ZBTB20: variants seen among roughly 807,000 people sequenced by gnomAD.
The protein encoded by ZBTB20 is zinc finger and BTB domain containing 20.
Under a neutral mutation model 56.9 loss-of-function variants are expected in ZBTB20, and 9 were observed. That is an observed-to-expected ratio of 0.16 (90% CI 0.10 to 0.28). ZBTB20 has a LOEUF of 0.28. Ranked by LOEUF, ZBTB20 falls within the 10% of genes least tolerant of loss-of-function variation. The probability of loss-of-function intolerance (pLI) is 1.00; values close to 1 mark genes in which losing one functional copy is unlikely to be tolerated. For synonymous variants in ZBTB20, 417 were observed against 420.7 expected, an observed-to-expected ratio of 0.99 and a Z score of 0.11; for missense variants, 655 against 1,003.0, an observed-to-expected ratio of 0.65 and a Z score of 4.69.
chr3:114,838,593 AC>A (rs2074232455), intron 4 of ZBTB20, among the ~76,000 whole-genome samples: 1 of 152,192 alleles, frequency 6.6e-6, no homozygotes, highest in Non-Finnish European at 1.5e-5. Context: ...AGGGCACTGA[AC>A]CCTGATCTAA....
chr3:114,582,141 C>T (rs1345061586), intron 6 of ZBTB20: 3 of 152,114 alleles, frequency 2.0e-5, no homozygotes, highest in Non-Finnish European at 2.9e-5. Context: ...GAAAATTTCA[C>T]CTTCAAGGGG....
intron 6 of ZBTB20, among the ~76,000 whole-genome samples, chr3:114,550,525 T>C (rs1338877717): frequency 1.3e-5 from 2 of 152,242 alleles, no homozygotes; most frequent in Non-Finnish European, 2.9e-5. Context: ...TCTTCACTTA[T>C]GAAGGAAGCC....
At chr3:115,131,816 G>C (rs1423116691) in intron 1 of ZBTB20, among the ~76,000 whole-genome samples, 1 of 152,110 alleles carries the variant, frequency 6.6e-6, no homozygotes, top group Non-Finnish European at 1.5e-5. Flanking sequence ...GAGATCATCA[G>C]TTATGCCAGT....
chr3:114,729,644 G>A (rs1448070341), intron 5 of ZBTB20, among the ~76,000 whole-genome samples: 3 of 152,246 alleles, frequency 2.0e-5, no homozygotes, highest in Admixed American at 6.5e-5. Flanking sequence ...GGTCTAGTAC[G>A]TAAGTAAATA....
At chr3:115,102,151 T>C (rs2083603565) in intron 1 of ZBTB20, among the ~76,000 whole-genome samples, 1 of 152,216 alleles carries the variant, frequency 6.6e-6, no homozygotes, top group Non-Finnish European at 1.5e-5. Context: ...CAGACCACTC[T>C]AGTCTCATCG....
Position 114,353,504 on chromosome 3 carries a change from A to C in ZBTB20, c.200-1626T>G, listed in dbSNP as rs530012997. Among the ~76,000 whole-genome samples, 6 of 152,340 alleles carry C rather than the reference A, an allele frequency of 3.9e-5. No homozygotes were observed. In the East Asian group the frequency reaches 1.2e-3, roughly 29 times the overall value. On this transcript the variant is annotated intron_variant, in intron 10 of 11. Coordinates refer to ENST00000675478, the MANE Select transcript of ZBTB20 (RefSeq NM_001348800.3). Reference sequence around the variant, plus strand: ...CTCTATCAGGTCTGTTATGTGCCTAAAATATTGTATTAGGCTACAGATTCC... The same window carrying C: ...CTCTATCAGGTCTGTTATGTGCCTACAATATTGTATTAGGCTACAGATTCC...
At position 114,330,889 on chromosome 3, in the gene ZBTB20, T is replaced by TCAA. The variant is rs2079225150; in HGVS notation, c.*8113_*8115dup. On this transcript the variant is annotated 3_prime_UTR_variant, in exon 12 of 12. Coordinates refer to ENST00000675478, the MANE Select transcript of ZBTB20 (RefSeq NM_001348800.3). ...TATTATACTAGAGTGGCATTCTACT[T>TCAA]CAATGCTTGAGATGGGCAAGAGCAA... is the stretch of plus-strand genomic sequence containing the variant. 6.6e-6 allele frequency: 1 copy of TCAA among 152,202 alleles called. No homozygotes were observed. The highest frequency in any genetic ancestry group is 1.5e-5 in the Non-Finnish European group (1 of 68,060). 9.4% of individuals were successfully genotyped at this position (152,202 alleles called of 1,614,324 possible). A position where few individuals can be genotyped will look rare whatever the true frequency, so the allele number is the denominator to read the frequency against.
At chr3:115,064,443 CTTTTTTT>C (rs34098178) in intron 2 of ZBTB20, among the ~76,000 whole-genome samples, 71 of 78,072 alleles carry the variant, frequency 9.1e-4, no homozygotes, top group African/African-American at 3.4e-3. Context: ...TCTCATAATT[CTTTTTTT>C]TTTTTTTTTT....
At chr3:115,036,646 C>A (rs149409081) in intron 2 of ZBTB20, among the ~76,000 whole-genome samples, 4 of 152,270 alleles carry the variant, frequency 2.6e-5, no homozygotes, top group African/African-American at 9.6e-5. Flanking sequence ...ATCTCTTGAC[C>A]TCATGATCTG....
intron 1 of ZBTB20, among the ~76,000 whole-genome samples, chr3:115,129,916 G>C (rs2108664296): frequency 6.6e-6 from 1 of 152,192 alleles, no homozygotes; most frequent in East Asian, 1.9e-4. Flanking sequence ...GGTTTATATA[G>C]CTTCATCAGT....
chr3:114,927,667 AT>A (rs748032410), intron 3 of ZBTB20, among the ~76,000 whole-genome samples: 17 of 152,350 alleles, frequency 1.1e-4, no homozygotes, highest in Non-Finnish European at 2.4e-4. Flanking sequence ...ACTGGCAATA[AT>A]TAAGTTTCCA....
intron 7 of ZBTB20, among the ~76,000 whole-genome samples, chr3:114,496,807 G>C (rs774641546): frequency 7.2e-5 from 11 of 152,116 alleles, no homozygotes; most frequent in Non-Finnish European, 1.6e-4. Flanking sequence ...TAGGAAATTG[G>C]GGCATTGATT....
At position 114,354,834 on chromosome 3, in the gene ZBTB20, C is replaced by T. The variant is rs545730201; in HGVS notation, c.200-2956G>A. Among the ~76,000 whole-genome samples the T allele has an allele frequency of 6.6e-5, 10 of 152,284 alleles. No homozygotes were observed. The South Asian group carries it at 2.1e-3, about 32-fold the overall frequency. On this transcript the variant is annotated intron_variant, in intron 10 of 11. Transcript: ENST00000675478. ...ACCTCAGGTGATCTGCCCGCCTCGGCCTCCCAAAGTGCTGGGATTACAGGC... is the reference window on the plus strand; with the variant it reads ...ACCTCAGGTGATCTGCCCGCCTCGGTCTCCCAAAGTGCTGGGATTACAGGC...
chr3:114,892,144 T>G (rs1322467375), intron 4 of ZBTB20, among the ~76,000 whole-genome samples: 3 of 152,232 alleles, frequency 2.0e-5, no homozygotes, highest in Non-Finnish European at 4.4e-5. Flanking sequence ...TACTTCATTT[T>G]CCTGCACATA....
chr3:114,892,450 T>C (rs774395217), intron 4 of ZBTB20, among the ~76,000 whole-genome samples: 6 of 152,198 alleles, frequency 3.9e-5, no homozygotes, highest in Admixed American at 1.3e-4. Context: ...TGGATTTGCA[T>C]GGTCAGTACT....
chr3:114,798,010 C>A (rs2071435609), intron 5 of ZBTB20, among the ~76,000 whole-genome samples: 1 of 151,882 alleles, frequency 6.6e-6, no homozygotes, highest in Non-Finnish European at 1.5e-5. Flanking sequence ...ATGACCAGAG[C>A]AAGTAATTCA....
At chr3:114,628,554 A>G (rs1324901123) in intron 6 of ZBTB20, among the ~76,000 whole-genome samples, 1 of 152,140 alleles carries the variant, frequency 6.6e-6, no homozygotes, top group African/African-American at 2.4e-5. Context: ...GAGGACCAGC[A>G]CTGGCAGCAA....
intron 6 of ZBTB20, among the ~76,000 whole-genome samples, chr3:114,563,357 T>C (rs1005041831): frequency 2.6e-5 from 4 of 152,196 alleles, no homozygotes; most frequent in African/African-American, 9.6e-5. Flanking sequence ...ATAAGGTACA[T>C]TATTAGCCTG....
At chr3:114,799,088 A>G (rs946377049) in intron 5 of ZBTB20, among the ~76,000 whole-genome samples, 5 of 151,980 alleles carry the variant, frequency 3.3e-5, no homozygotes, top group Non-Finnish European at 1.5e-5. Flanking sequence ...TTTATGCACT[A>G]AAAGTACATT....
Sources: allele counts gnomAD v4.1 joint callset (sites outside exome capture counted in the v4.1 genomes callset), GRCh38; gene constraint gnomAD v4.1.1; transcripts MANE v1.5; gene names NCBI Gene and HGNC (gene_info 2026-07-23, HGNC 2026-07-21).